Variants in MGAT4C observed in about 807,000 individuals in gnomAD.
MGAT4C encodes MGAT4 family member C, also known as alpha-1,3-mannosyl-glycoprotein 4-beta-N-acetylglucosaminyltransferase C.
MGAT4C carries 19 observed loss-of-function variants against 40.1 expected under a neutral mutation model. The ratio of observed to expected loss-of-function variants is 0.47; its 90% CI spans 0.33 to 0.70. The LOEUF is 0.70. Among genes scored for constraint, MGAT4C ranks in the 30% least tolerant of loss-of-function variants. The pLI is 0.02. For synonymous variants in MGAT4C, 181 were observed against 187.1 expected (o/e 0.97, Z 0.27); for missense variants, 491 against 563.2 (o/e 0.87, Z 1.30).
At chr12:86,449,618 T>C (rs143367915) in intron 2 of MGAT4C, among the ~76,000 whole-genome samples, 2,960 of 152,280 alleles carry the variant, frequency 0.019, 88 homozygotes, top group African/African-American at 0.067. Context: ...TTCTCACTTC[T>C]GTCACCATAA....
intron 2 of MGAT4C, among the ~76,000 whole-genome samples, chr12:86,520,194 AT>A (rs1205795377): frequency 2.6e-5 from 4 of 151,792 alleles, no homozygotes; most frequent in Non-Finnish European, 5.9e-5. Flanking sequence ...ATCATTAGTT[AT>A]TTTTTCCTGA....
chr12:86,701,747 G>C (rs961436645), intron 2 of MGAT4C, among the ~76,000 whole-genome samples: 5 of 152,118 alleles, frequency 3.3e-5, no homozygotes, highest in African/African-American at 4.8e-5. Flanking sequence ...TAGGCCTCTT[G>C]TGACAAATAG....
chr12:86,174,158 C>CACAG (rs1887156966), intron 1 of MGAT4C, among the ~76,000 whole-genome samples: 2 of 146,596 alleles, frequency 1.4e-5, no homozygotes, highest in African/African-American at 5.1e-5. Context: ...CACACACACA[C>CACAG]AGAATAAAAA....
At chr12:86,100,991 G>A (rs550272043) in intron 1 of MGAT4C, among the ~76,000 whole-genome samples, 21 of 151,710 alleles carry the variant, frequency 1.4e-4, no homozygotes, top group African/African-American at 2.9e-4. Context: ...TTGATAAAGC[G>A]ATAACTAACA....
In MGAT4C at chr12:85,957,150, C is replaced by CA. The variant is rs1421625901; in HGVS notation, c.*22138dup. On this transcript the variant is annotated 3_prime_UTR_variant, in exon 5 of 5. Coordinates refer to ENST00000611864, the MANE Select transcript of MGAT4C (RefSeq NM_001351288.2). ...CTCTTAAAGACTGTTAGTCAGAACT[C>CA]AGTTGTTTATAAAAGAAATAGTAAT... 1 of 152,128 alleles carries CA rather than the reference C, an allele frequency of 6.6e-6. No homozygotes were observed. Among genetic ancestry groups the CA allele is most frequent in the Non-Finnish European group, 1.5e-5 (1 of 68,008 alleles). 9.4% of individuals were successfully genotyped at this position (152,128 alleles called of 1,614,324 possible).
intron 2 of MGAT4C, among the ~76,000 whole-genome samples, chr12:86,699,181 A>G (rs999656654): frequency 6.6e-6 from 1 of 152,186 alleles, no homozygotes; most frequent in African/African-American, 2.4e-5. Flanking sequence ...ACTTATTTAA[A>G]TTCACTTAAT....
intron 1 of MGAT4C, chr12:86,838,626 AAAG>A (rs1355358286): frequency 6.6e-6 from 1 of 152,198 alleles, no homozygotes; most frequent in Non-Finnish European, 1.5e-5. Flanking sequence ...ATTACCTGAT[AAAG>A]AAGAGAGGGT....
intron 1 of MGAT4C, among the ~76,000 whole-genome samples, chr12:86,128,540 A>G (rs1396707888): frequency 6.6e-6 from 1 of 151,956 alleles, no homozygotes; most frequent in Non-Finnish European, 1.5e-5. Flanking sequence ...GTCCCATTAA[A>G]CCTCTTTTTC....
At chr12:86,485,515 T>C (rs1288425293) in intron 2 of MGAT4C, among the ~76,000 whole-genome samples, 1 of 151,972 alleles carries the variant, frequency 6.6e-6, no homozygotes, top group Non-Finnish European at 1.5e-5. Flanking sequence ...TCAAGTCAAC[T>C]CACTCAGAAA....
rs1191166599 is a variant in MGAT4C at position 86,025,252 on chromosome 12, A to G, written c.-7+24422T>C. ...AGAGCATAATAAAAATCTGCAATGA[A>G]AAACTCTTTTTAGAAAGAAATTAAT... is the stretch of plus-strand genomic sequence containing the variant. On this transcript the variant is annotated intron_variant, in intron 2 of 4. Coordinates refer to ENST00000611864, the MANE Select transcript of MGAT4C (RefSeq NM_001351288.2). 3.3e-5 allele frequency among the ~76,000 whole-genome samples: 5 copies of G among 151,818 alleles called. No individual in the cohort carries two copies. The East Asian group carries it at 9.6e-4, about 29-fold the overall frequency.
intron 2 of MGAT4C, among the ~76,000 whole-genome samples, chr12:86,437,955 G>A (rs193207503): frequency 3.3e-5 from 5 of 151,940 alleles, no homozygotes; most frequent in East Asian, 1.9e-4. Context: ...TTAGCTGATC[G>A]ATAGCCCTAC....
intron 1 of MGAT4C, among the ~76,000 whole-genome samples, chr12:86,228,745 T>C (rs181102301): frequency 6.6e-6 from 1 of 152,076 alleles, no homozygotes; most frequent in East Asian, 1.9e-4. Context: ...AGAAAAAACA[T>C]TTAGTCAGCA....
chr12:85,983,381 G>C, intron 4 of MGAT4C, 142 bp downstream of exon 4: 1 of 771,926 alleles, frequency 1.3e-6, no homozygotes, highest in Non-Finnish European at 1.9e-6. Context: ...TTGGCAATTT[G>C]TGAAGAAACA....
At chr12:86,630,037 T>C (rs1188324203) in intron 2 of MGAT4C, among the ~76,000 whole-genome samples, 1 of 151,126 alleles carries the variant, frequency 6.6e-6, no homozygotes, top group Non-Finnish European at 1.5e-5. Context: ...GAGAGAAGAA[T>C]CAAATAGATA....
intron 2 of MGAT4C, among the ~76,000 whole-genome samples, chr12:86,450,343 T>C (rs374193209): frequency 9.8e-5 from 15 of 152,286 alleles, no homozygotes; most frequent in East Asian, 5.8e-4. Context: ...TTTTATTAGG[T>C]TGTCTTTTCT....
At chr12:86,734,730 C>G (rs1223229374) in intron 1 of MGAT4C, among the ~76,000 whole-genome samples, 1 of 151,970 alleles carries the variant, frequency 6.6e-6, no homozygotes, top group Non-Finnish European at 1.5e-5. Context: ...CTTGGATGTT[C>G]CAGCCACTGG....
chr12:86,388,686 T>TG (rs930000623), intron 3 of MGAT4C, among the ~76,000 whole-genome samples: 1 of 147,856 alleles, frequency 6.8e-6, no homozygotes, highest in African/African-American at 2.5e-5. Context: ...TTTTTTTTTT[T>TG]TTTTTTTTTT....
chr12:86,049,605 A>C (rs890608887), intron 2 of MGAT4C, 69 bp downstream of exon 2: 2 of 795,592 alleles, frequency 2.5e-6, no homozygotes, highest in Non-Finnish European at 3.0e-6. Context: ...TACTTATTAA[A>C]TATTTTTGAT....
chr12:86,045,581 C>T (rs1281626650), intron 2 of MGAT4C, among the ~76,000 whole-genome samples: 2 of 152,156 alleles, frequency 1.3e-5, no homozygotes, highest in Non-Finnish European at 1.5e-5. Flanking sequence ...ACAAAACCCC[C>T]AAATTTTTAT....
Sources: gnomAD v4.1 joint callset for allele counts (sites outside exome capture counted in the v4.1 genomes callset) on GRCh38, gnomAD v4.1.1 for gene constraint, MANE v1.5 for transcripts, NCBI Gene and HGNC (gene_info 2026-07-23, HGNC 2026-07-21) for gene names.